The following THAP12 variants were observed in gnomAD, a reference collection of about 807,000 sequenced individuals.
THAP12 encodes THAP domain containing 12.
A neutral mutation model predicts 63.0 loss-of-function variants in THAP12; 20 were observed. The ratio of observed to expected loss-of-function variants is 0.32; its 90% CI spans 0.22 to 0.46. The LOEUF (loss-of-function observed/expected upper bound fraction) is 0.46, where lower values mean the gene tolerates loss of function less well. THAP12 is among the 20% of genes least tolerant of loss of function. The pLI is 1.00. For synonymous variants in THAP12, 264 were observed against 328.4 expected (o/e 0.80, Z 2.12); for missense variants, 568 against 908.2 (o/e 0.63, Z 4.81).
intron 3 of THAP12, among the ~76,000 whole-genome samples, chr11:76,360,053 C>T (rs372234450): frequency 1.3e-4 from 19 of 151,890 alleles, no homozygotes; most frequent in African/African-American, 3.6e-4. Flanking sequence ...TACCAGTGGA[C>T]GAAAGGAAGA....
chr11:76,371,013 T>C (rs944189888), intron 1 of THAP12, among the ~76,000 whole-genome samples: 2 of 152,042 alleles, frequency 1.3e-5, no homozygotes, highest in East Asian at 3.8e-4. Context: ...TTCCCTGTAC[T>C]CCAGATTTTG....
chr11:76,352,597 C>T lies in THAP12; in HGVS notation c.553G>A (p.Gly185Arg), dbSNP rs1176140329. The T allele has an allele frequency of 6.2e-7, 1 of 1,611,888 alleles. No individual in the cohort carries two copies. The highest frequency in any genetic ancestry group is 2.2e-5 in the East Asian group (1 of 44,884). Residue 185 changes from glycine to arginine, a missense_variant, in exon 5 of 5, where the codon GGA becomes AGA. Physicochemically the swap from Gly to Arg is moderately radical, Grantham distance 125. Coordinates refer to ENST00000260045, the MANE Select transcript of THAP12 (RefSeq NM_004705.4). ...TCTGGGATTTCATCAGCCTCATGTCCATCCAGAGGTATGTTTTGCTTTCCC... is the reference window on the plus strand; with the variant it reads ...TCTGGGATTTCATCAGCCTCATGTCTATCCAGAGGTATGTTTTGCTTTCCC... ...LMGKQNIPLD[G>R]HEADEIPEGL...
At chr11:76,364,461 C>T (rs1174003282) in intron 2 of THAP12, 1 of 435,586 alleles carries the variant, frequency 2.3e-6, no homozygotes, top group African/African-American at 2.0e-5. Flanking sequence ...TAAATTGCTG[C>T]ATAACAACAT....
At chr11:76,373,559 A>T (rs1946688818) in intron 1 of THAP12, among the ~76,000 whole-genome samples, 1 of 151,700 alleles carries the variant, frequency 6.6e-6, no homozygotes, top group South Asian at 2.1e-4. Context: ...TCTAAAAAAA[A>T]TTTTTTTCAA....
At chr11:76,366,505 C>T (rs752425381) in intron 1 of THAP12, among the ~76,000 whole-genome samples, 24 of 152,148 alleles carry the variant, frequency 1.6e-4, no homozygotes, top group Non-Finnish European at 3.2e-4. Flanking sequence ...CCCGGTGAAA[C>T]CCCGTCTCTA....
chr11:76,379,255 T>C (rs1003462251), intron 1 of THAP12, among the ~76,000 whole-genome samples: 3 of 152,234 alleles, frequency 2.0e-5, no homozygotes, highest in Admixed American at 2.0e-4. Flanking sequence ...TCTCCTCCTC[T>C]ATTAATCTGG....
Position 76,352,398 on chromosome 11 carries a change from A to T in THAP12, c.752T>A (p.Leu251His). Reference protein sequence around the residue: ...ICESCIREETLREVRDSHFFS... With the variant: ...ICESCIREETHREVRDSHFFS... ...GAAGTGTGAGTCTCTCACTTCCCTG[A>T]GAGTTTCTTCTCGAATACAGCTCTC... is the stretch of plus-strand genomic sequence containing the variant. Residue 251 changes from leucine to histidine, a missense_variant, in exon 5 of 5, where the codon CTC becomes CAC. Transcript: ENST00000260045. 1 of 1,611,948 alleles carries T rather than the reference A, an allele frequency of 6.2e-7. No individual in the cohort carries two copies. The highest frequency in any genetic ancestry group is 8.5e-7 in the Non-Finnish European group (1 of 1,179,808).
intron 3 of THAP12, among the ~76,000 whole-genome samples, chr11:76,360,271 G>A (rs1946589725): frequency 6.6e-6 from 1 of 152,164 alleles, no homozygotes; most frequent in South Asian, 2.1e-4. Context: ...CACTAGCATG[G>A]ACACCAACTG....
At chr11:76,370,553 G>A (rs1041903126) in intron 1 of THAP12, among the ~76,000 whole-genome samples, 10 of 151,888 alleles carry the variant, frequency 6.6e-5, no homozygotes, top group African/African-American at 2.2e-4. Flanking sequence ...TTGTAGAGAC[G>A]GGGTTTCACC....
chr11:76,365,249 G>A (rs1946623026), intron 2 of THAP12, among the ~76,000 whole-genome samples: 1 of 149,328 alleles, frequency 6.7e-6, no homozygotes, highest in Non-Finnish European at 1.5e-5. Context: ...AGCTAAGATA[G>A]CGCCACTGCA....
At chr11:76,370,350 T>A (rs1018731320) in intron 1 of THAP12, among the ~76,000 whole-genome samples, 3 of 147,410 alleles carry the variant, frequency 2.0e-5, no homozygotes. Context: ...TGTGATCTTC[T>A]GTGCATATGT....
intron 2 of THAP12, among the ~76,000 whole-genome samples, chr11:76,365,394 T>C (rs140001360): frequency 6.6e-6 from 1 of 151,678 alleles, no homozygotes; most frequent in African/African-American, 2.4e-5. Flanking sequence ...TCATTTTGAG[T>C]TTTTTTTCCA....
At chr11:76,369,176 A>C (rs973660295) in intron 1 of THAP12, among the ~76,000 whole-genome samples, 7 of 152,266 alleles carry the variant, frequency 4.6e-5, no homozygotes, top group Admixed American at 3.3e-4. Flanking sequence ...GGAAATGCTA[A>C]TTAAAGCCAA....
chr11:76,362,597 T>G (rs1411071851), intron 2 of THAP12, among the ~76,000 whole-genome samples: 6 of 152,206 alleles, frequency 3.9e-5, no homozygotes, highest in Non-Finnish European at 7.3e-5. Context: ...ACACAATCAC[T>G]GAAGGGAGTA....
intron 2 of THAP12, 144 bp from the exon 3 acceptor site, chr11:76,361,207 G>C: frequency 1.8e-6 from 1 of 557,354 alleles, no homozygotes. Flanking sequence ...TGTCAGTTCA[G>C]GTCAGTCTAC....
At chr11:76,356,196 CT>C (rs1418836313) in intron 3 of THAP12, 1 of 152,284 alleles carries the variant, frequency 6.6e-6, no homozygotes, top group Non-Finnish European at 1.5e-5. Flanking sequence ...AAAGGAAGAA[CT>C]TTCCAGCTGC....
At chr11:76,373,334 A>C (rs1391125091) in intron 1 of THAP12, among the ~76,000 whole-genome samples, 6 of 149,516 alleles carry the variant, frequency 4.0e-5, no homozygotes, top group Non-Finnish European at 8.9e-5. Context: ...TGACAGTGAG[A>C]CACTGTCTCA....
At chr11:76,369,738 C>G (rs369629039) in intron 1 of THAP12, among the ~76,000 whole-genome samples, 1 of 152,254 alleles carries the variant, frequency 6.6e-6, no homozygotes, top group South Asian at 2.1e-4. Context: ...TCGGACACTA[C>G]GTCTCTAACG....
intron 1 of THAP12, among the ~76,000 whole-genome samples, chr11:76,369,717 CAGTAAAAACCTCGGACACT>C (rs2134511637): frequency 6.6e-6 from 1 of 152,378 alleles, no homozygotes; most frequent in African/African-American, 2.4e-5. Flanking sequence ...GATCAGGACC[CAGTAAAAACCTCGGACACT>C]ACGTCTCTAA....
Sources: gnomAD v4.1 joint callset for allele counts (sites outside exome capture counted in the v4.1 genomes callset) on GRCh38, gnomAD v4.1.1 for gene constraint, MANE v1.5 for transcripts, NCBI Gene and HGNC (gene_info 2026-07-23, HGNC 2026-07-21) for gene names.